CAMK1D: variants seen among roughly 807,000 people sequenced by gnomAD.
The protein encoded by CAMK1D is calcium/calmodulin-dependent protein kinase type 1D.
CAMK1D carries 9 observed loss-of-function variants against 47.7 expected under a neutral mutation model. The observed-to-expected ratio is 0.19, with a 90% CI of 0.11 to 0.33. The LOEUF is 0.33. Among genes scored for constraint, CAMK1D ranks in the 10% least tolerant of loss-of-function variants. The pLI is 1.00. For synonymous variants in CAMK1D, 184 were observed against 184.9 expected (o/e 0.99, Z 0.04); for missense variants, 291 against 488.7 (o/e 0.60, Z 3.81).
At chr10:12,493,537 G>A (rs962784118) in intron 1 of CAMK1D, among the ~76,000 whole-genome samples, 3 of 151,588 alleles carry the variant, frequency 2.0e-5, no homozygotes, top group African/African-American at 7.3e-5. Context: ...TCTGTCACCC[G>A]GGCTGGAGTG....
chr10:12,639,490 A>G (rs1482820970), intron 2 of CAMK1D, among the ~76,000 whole-genome samples: 3 of 152,178 alleles, frequency 2.0e-5, no homozygotes, highest in African/African-American at 7.2e-5. Flanking sequence ...GTCTCAAAAC[A>G]AGCAAACAAA....
intron 3 of CAMK1D, among the ~76,000 whole-genome samples, chr10:12,715,305 T>C (rs1372788446): frequency 2.0e-5 from 3 of 152,256 alleles, no homozygotes; most frequent in African/African-American, 4.8e-5. Context: ...TGGTCACTTC[T>C]GTTCTGTGTG....
intron 3 of CAMK1D, among the ~76,000 whole-genome samples, chr10:12,730,026 T>C (rs1834821747): frequency 6.6e-6 from 1 of 152,148 alleles, no homozygotes. Context: ...CAGAGGCGAA[T>C]TGTGATCCCA....
intron 2 of CAMK1D, among the ~76,000 whole-genome samples, chr10:12,584,277 A>G (rs1387460281): frequency 1.3e-5 from 2 of 152,206 alleles, no homozygotes; most frequent in Non-Finnish European, 2.9e-5. Flanking sequence ...TTCTCCAGGA[A>G]GAGAAAATTG....
intron 7 of CAMK1D, 85 bp from the exon 8 acceptor site, chr10:12,816,165 G>C: frequency 9.7e-7 from 1 of 1,035,078 alleles, no homozygotes; most frequent in Admixed American, 1.9e-5. Flanking sequence ...TGCTACACAC[G>C]CTCCTCCTGA....
intron 2 of CAMK1D, among the ~76,000 whole-genome samples, chr10:12,626,722 G>A (rs1839228517): frequency 6.6e-6 from 1 of 152,066 alleles, no homozygotes; most frequent in African/African-American, 2.4e-5. Flanking sequence ...TGATCTGCCT[G>A]CCTCGGCCTC....
At chr10:12,788,045 G>T (rs7079952) in intron 5 of CAMK1D, among the ~76,000 whole-genome samples, 1 of 152,168 alleles carries the variant, frequency 6.6e-6, no homozygotes, top group African/African-American at 2.4e-5. Flanking sequence ...AACAAGAGAT[G>T]TATATTCTTG....
intron 2 of CAMK1D, among the ~76,000 whole-genome samples, chr10:12,569,469 G>A (rs1163832443): frequency 6.6e-6 from 1 of 151,884 alleles, no homozygotes; most frequent in Non-Finnish European, 1.5e-5. Context: ...CCAGCACTTC[G>A]GGAGGCCGAG....
chr10:12,352,268 T>C (rs1299955688), intron 1 of CAMK1D, among the ~76,000 whole-genome samples: 1 of 152,184 alleles, frequency 6.6e-6, no homozygotes, highest in Non-Finnish European at 1.5e-5. Context: ...AGTCAATAAT[T>C]TGACTTAACT....
chr10:12,439,891 AC>A (rs1259366376), intron 1 of CAMK1D, among the ~76,000 whole-genome samples: 2 of 152,208 alleles, frequency 1.3e-5, no homozygotes, highest in African/African-American at 4.8e-5. Flanking sequence ...GGCACATCTT[AC>A]ATGGCGGCAG....
At chr10:12,520,914 C>G (rs1414893603) in intron 1 of CAMK1D, among the ~76,000 whole-genome samples, 1 of 21,154 alleles carries the variant, frequency 4.7e-5, no homozygotes, top group African/African-American at 1.7e-4. Flanking sequence ...CAGAGGGAGA[C>G]CGTGGAAGGA....
intron 1 of CAMK1D, among the ~76,000 whole-genome samples, chr10:12,478,396 G>A (rs1833965831): frequency 6.6e-6 from 1 of 152,052 alleles, no homozygotes; most frequent in Non-Finnish European, 1.5e-5. Flanking sequence ...CAACCTCGTG[G>A]ACTCAAGCAA....
intron 6 of CAMK1D, among the ~76,000 whole-genome samples, chr10:12,812,248 T>C (rs1222585085): frequency 6.6e-6 from 1 of 152,266 alleles, no homozygotes; most frequent in Admixed American, 6.5e-5. Context: ...CTCATTAGAC[T>C]GGTCCCTAGG....
intron 3 of CAMK1D, chr10:12,725,246 T>C (rs1472209314): frequency 6.5e-6 from 1 of 154,210 alleles, no homozygotes; most frequent in Non-Finnish European, 1.5e-5. Context: ...TTGGAATGCA[T>C]GAATCTTAGG....
At chr10:12,578,415 A>G (rs1837558485) in intron 2 of CAMK1D, among the ~76,000 whole-genome samples, 1 of 151,950 alleles carries the variant, frequency 6.6e-6, no homozygotes, top group South Asian at 2.1e-4. Context: ...TACTAAAAAT[A>G]CAAAATTAGT....
intron 1 of CAMK1D, among the ~76,000 whole-genome samples, chr10:12,453,632 A>G (rs554820989): frequency 2.0e-5 from 3 of 152,324 alleles, no homozygotes; most frequent in African/African-American, 4.8e-5. Context: ...GTGTATGACT[A>G]TGTTGCATTA....
intron 1 of CAMK1D, among the ~76,000 whole-genome samples, chr10:12,366,955 G>T (rs560807828): frequency 1.3e-5 from 2 of 152,086 alleles, no homozygotes; most frequent in East Asian, 3.8e-4. Flanking sequence ...GTGTAGCTTG[G>T]CAGTGATGGT....
intron 3 of CAMK1D, among the ~76,000 whole-genome samples, chr10:12,685,136 A>G (rs1832604004): frequency 1.3e-5 from 2 of 152,198 alleles, no homozygotes; most frequent in African/African-American, 4.8e-5. Context: ...CCCCGTCTGT[A>G]CTAAAAATAC....
At chr10:12,566,717 C>T (rs561328044) in intron 2 of CAMK1D, among the ~76,000 whole-genome samples, 2 of 152,322 alleles carry the variant, frequency 1.3e-5, no homozygotes, top group South Asian at 4.1e-4. Flanking sequence ...CTTGCAGAGC[C>T]TCTTTCAGGA....
Sources: gnomAD v4.1 joint callset for allele counts (sites outside exome capture counted in the v4.1 genomes callset) on GRCh38, gnomAD v4.1.1 for gene constraint, MANE v1.5 for transcripts, NCBI Gene and HGNC (gene_info 2026-07-23, HGNC 2026-07-21) for gene names.